ACOX2: variants seen among roughly 807,000 people sequenced by gnomAD.
The protein encoded by ACOX2 is peroxisomal acyl-coenzyme A oxidase 2.
ACOX2 carries 59 observed loss-of-function variants against 77.5 expected under a neutral mutation model. The observed-to-expected ratio is 0.76, with a 90% CI of 0.62 to 0.95. The LOEUF (loss-of-function observed/expected upper bound fraction) is 0.95. ACOX2 is among the 40% of genes least tolerant of loss of function. The pLI, the probability that ACOX2 is intolerant of heterozygous loss-of-function variation, is 0.00. For synonymous variants in ACOX2, 317 were observed against 340.1 expected (o/e 0.93, Z 0.75); for missense variants, 837 against 880.4 (o/e 0.95, Z 0.62).
rs934076890 is a variant in ACOX2 at position 58,526,403 on chromosome 3, CCAACAGAAG to C, written c.1346+54_1346+62del. ...ATGGGCCTCAGACGGAACCCTCCAC[CCAACAGAAG>C]CTTGGTGGGTCCCCAAGGGCTTGGG... On this transcript the variant is annotated intron_variant, in intron 10 of 14. Coordinates refer to ENST00000302819, the MANE Select transcript of ACOX2 (RefSeq NM_003500.4). This position sits in a 1 kb window ranked among gnomAD's most constrained non-coding sequence, Gnocchi z 4.3. 15 of 1,513,632 alleles carry C rather than the reference CCAACAGAAG, an allele frequency of 9.9e-6. No homozygotes were observed. In the African/African-American group the frequency reaches 2.1e-4, roughly 21 times the overall value. The allele number at this position is 1,513,632 out of a possible 1,614,324, so 93.8% of individuals were successfully genotyped here. A position where few individuals can be genotyped will look rare whatever the true frequency, so the allele number is the denominator to read the frequency against.
Position 58,533,196 on chromosome 3 carries a change from G to A in ACOX2, c.583+249C>T, listed in dbSNP as rs1049131594. Among the ~76,000 whole-genome samples the A allele has an allele frequency of 2.0e-5, 3 of 152,178 alleles. No homozygotes were observed. The highest frequency in any genetic ancestry group is 2.9e-5 in the Non-Finnish European group (2 of 68,008). The stretch of plus-strand genomic sequence containing the variant: ...AGTGAGGCCTTGTCTCTCATGGATC[G>A]ATTGTCTCCTCTACTTCAAAGTTCC... On this transcript the variant is annotated intron_variant, in intron 5 of 14. Transcript: ENST00000302819. This position sits in a 1 kb window ranked among gnomAD's most constrained non-coding sequence, Gnocchi z 5.6.
rs1033211801 is a variant in ACOX2, at chr3:58,515,732, AT to A, written c.1850+1473del. Reference sequence around the variant, plus strand: ...AAAGATTATATTCTCAAATTAGTCCATTTTTTTTAATCTTATGGACAATGGT... The same window carrying A: ...AAAGATTATATTCTCAAATTAGTCCATTTTTTTAATCTTATGGACAATGGT... On this transcript the variant is annotated intron_variant, in intron 13 of 14. Transcript: ENST00000302819. The surrounding 1 kb of genome is among the most constrained non-coding windows in gnomAD (Gnocchi z 4.0). Among the ~76,000 whole-genome samples the A allele has an allele frequency of 3.3e-5, 5 of 151,910 alleles. No individual in the cohort carries two copies. Among genetic ancestry groups the A allele is most frequent in the African/African-American group, 9.7e-5 (4 of 41,350 alleles).
Position 58,521,951 on chromosome 3 carries a change from T to C in ACOX2, c.1632+545A>G, listed in dbSNP as rs1426523196. Among the ~76,000 whole-genome samples the C allele has an allele frequency of 6.6e-6, 1 of 152,224 alleles. No individual in the cohort carries two copies. Among genetic ancestry groups the C allele is most frequent in the African/African-American group, 2.4e-5 (1 of 41,468 alleles). The stretch of plus-strand genomic sequence containing the variant: ...TTGAAGTCTTAGCTGATATGCCACT[T>C]CTTTTGGGAAGCCTTTCTGACTCCT... On this transcript the variant is annotated intron_variant, in intron 12 of 14. Coordinates refer to ENST00000302819, the MANE Select transcript of ACOX2 (RefSeq NM_003500.4). The surrounding 1 kb of genome is among the most constrained non-coding windows in gnomAD (Gnocchi z 4.8).
At position 58,534,665 on chromosome 3, in the gene ACOX2, G is replaced by A; in HGVS notation, c.161-143C>T. ...TACAGATGACAAAACTGAGGACCAA[G>A]GTGGGAAAGTGAATTGCCCAAGGTT... On this transcript the variant is annotated intron_variant, in intron 2 of 14. Coordinates refer to ENST00000302819, the MANE Select transcript of ACOX2 (RefSeq NM_003500.4). The surrounding 1 kb of genome is among the most constrained non-coding windows in gnomAD (Gnocchi z 4.8). The A allele has an allele frequency of 6.5e-7, 1 of 1,537,764 alleles. No homozygotes were observed. The highest frequency in any genetic ancestry group is 2.4e-5 in the East Asian group (1 of 42,078).
rs1408882973 is a variant in ACOX2, at chr3:58,525,190, A to G, written c.1347-585T>C. 6.6e-6 allele frequency among the ~76,000 whole-genome samples: 1 copy of G among 152,176 alleles called. No homozygotes were observed. Among genetic ancestry groups the G allele is most frequent in the Non-Finnish European group, 1.5e-5 (1 of 68,018 alleles). ...TCTCATCTGATTGAGGGTTTGTGAAATGGAATGAGATGATATTTGTAGAGT... is the reference window on the plus strand; with the variant it reads ...TCTCATCTGATTGAGGGTTTGTGAAGTGGAATGAGATGATATTTGTAGAGT... On this transcript the variant is annotated intron_variant, in intron 10 of 14. Transcript: ENST00000302819. The surrounding 1 kb of genome is among the most constrained non-coding windows in gnomAD (Gnocchi z 5.0).
rs1308438716 is a variant in ACOX2 at position 58,512,385 on chromosome 3, C to G, written c.1851-3360G>C. 6.6e-6 allele frequency among the ~76,000 whole-genome samples: 1 copy of G among 152,238 alleles called. No homozygotes were observed. Among genetic ancestry groups the G allele is most frequent in the Non-Finnish European group, 1.5e-5 (1 of 68,048 alleles). ...TGATTGCATTAGCGATCCAGCTGAT[C>G]TCCCTGCTTTTCACTCTTAGTTCTT... is the stretch of plus-strand genomic sequence containing the variant. On this transcript the variant is annotated intron_variant, in intron 13 of 14. Coordinates refer to ENST00000302819, the MANE Select transcript of ACOX2 (RefSeq NM_003500.4). This position sits in a 1 kb window ranked among gnomAD's most constrained non-coding sequence, Gnocchi z 4.8.
rs570437542 is a variant in ACOX2, at chr3:58,522,231, T to C, written c.1632+265A>G. On this transcript the variant is annotated intron_variant, in intron 12 of 14. Coordinates refer to ENST00000302819, the MANE Select transcript of ACOX2 (RefSeq NM_003500.4). This position sits in a 1 kb window ranked among gnomAD's most constrained non-coding sequence, Gnocchi z 4.3. ...TAAGGGGAGACTTGACCTGCTTTTC[T>C]ATCTGGGAGGAAATATTTGAACAAC... 2.8e-4 allele frequency among the ~76,000 whole-genome samples: 43 copies of C among 152,364 alleles called. No individual in the cohort carries two copies. Among genetic ancestry groups the C allele is most frequent in the Non-Finnish European group, 5.0e-4 (34 of 68,036 alleles).
Position 58,514,706 on chromosome 3 carries a change from T to C in ACOX2, c.1850+2500A>G, listed in dbSNP as rs1246425167. ...TTGCATCTGGGCTGTCTGTCTTGTC[T>C]TGAATTGTAAGTTTCTGGAGCCAAG... On this transcript the variant is annotated intron_variant, in intron 13 of 14. Coordinates refer to ENST00000302819, the MANE Select transcript of ACOX2 (RefSeq NM_003500.4). The surrounding 1 kb of genome is among the most constrained non-coding windows in gnomAD (Gnocchi z 4.3). Among the ~76,000 whole-genome samples the C allele has an allele frequency of 1.3e-5, 2 of 152,248 alleles. No individual in the cohort carries two copies. Among genetic ancestry groups the C allele is most frequent in the Non-Finnish European group, 2.9e-5 (2 of 68,046 alleles).
Position 58,533,901 on chromosome 3 carries a change from A to C in ACOX2, c.475+93T>G. ...TTCTTATTAAACATATGTCCCTCGG[A>C]GCATATGAACCTATGACTACCTAGA... On this transcript the variant is annotated intron_variant, in intron 4 of 14. Transcript: ENST00000302819. The surrounding 1 kb of genome is among the most constrained non-coding windows in gnomAD (Gnocchi z 5.6). 6.8e-7 allele frequency: 1 copy of C among 1,464,064 alleles called. No individual in the cohort carries two copies. Among genetic ancestry groups the C allele is most frequent in the Non-Finnish European group, 9.4e-7 (1 of 1,067,960 alleles). 90.7% of individuals were successfully genotyped at this position (1,464,064 alleles called of 1,614,324 possible).
chr3:58,512,807 T>C lies in ACOX2; in HGVS notation c.1851-3782A>G, dbSNP rs1379554982. 1.3e-5 allele frequency among the ~76,000 whole-genome samples: 2 copies of C among 152,246 alleles called. No individual in the cohort carries two copies. The highest frequency in any genetic ancestry group is 4.8e-5 in the African/African-American group (2 of 41,472). On this transcript the variant is annotated intron_variant, in intron 13 of 14. Coordinates refer to ENST00000302819, the MANE Select transcript of ACOX2 (RefSeq NM_003500.4). This position sits in a 1 kb window ranked among gnomAD's most constrained non-coding sequence, Gnocchi z 4.8. ...AAAATTCCTATTGCTTAGTGATTGATGTTAGAATTGGCTGCAGTATTCAGA... is the reference window on the plus strand; with the variant it reads ...AAAATTCCTATTGCTTAGTGATTGACGTTAGAATTGGCTGCAGTATTCAGA...
In ACOX2 at chr3:58,515,750, G is replaced by A. The variant is rs1477636399; in HGVS notation, c.1850+1456C>T. On this transcript the variant is annotated intron_variant, in intron 13 of 14. Transcript: ENST00000302819. This position sits in a 1 kb window ranked among gnomAD's most constrained non-coding sequence, Gnocchi z 4.0. Reference sequence around the variant, plus strand: ...TTAGTCCATTTTTTTTAATCTTATGGACAATGGTAAATAATTTGCAATGTT... The same window carrying A: ...TTAGTCCATTTTTTTTAATCTTATGAACAATGGTAAATAATTTGCAATGTT... Among the ~76,000 whole-genome samples the A allele has an allele frequency of 6.6e-6, 1 of 151,982 alleles. No individual in the cohort carries two copies. The highest frequency in any genetic ancestry group is 1.5e-5 in the Non-Finnish European group (1 of 68,006).
In ACOX2 at chr3:58,523,772, G is replaced by A. The variant is rs1286326691; in HGVS notation, c.1526+654C>T. The stretch of plus-strand genomic sequence containing the variant: ...CCTGTTTTCGGTGTTTTAATTTGGG[G>A]GCAGCATTCAGAACGTTTTCTTTTT... On this transcript the variant is annotated intron_variant, in intron 11 of 14. Coordinates refer to ENST00000302819, the MANE Select transcript of ACOX2 (RefSeq NM_003500.4). The surrounding 1 kb of genome is among the most constrained non-coding windows in gnomAD (Gnocchi z 5.3). Among the ~76,000 whole-genome samples the A allele has an allele frequency of 6.6e-6, 1 of 151,970 alleles. No homozygotes were observed. Among genetic ancestry groups the A allele is most frequent in the Non-Finnish European group, 1.5e-5 (1 of 68,002 alleles).
Position 58,505,160 on chromosome 3 carries a change from A to G in ACOX2, c.*64T>C, listed in dbSNP as rs75857311. On this transcript the variant is annotated 3_prime_UTR_variant, in exon 15 of 15. Transcript: ENST00000302819. This position sits in a 1 kb window ranked among gnomAD's most constrained non-coding sequence, Gnocchi z 4.4. ...ATCTAATTTAAAATTTTAATGTTGC[A>G]TATATGCCATAGTACCATTATCACA... 17,513 of 1,328,540 alleles carry G rather than the reference A, an allele frequency of 0.013. 162 individuals are homozygous for G. Among genetic ancestry groups the G allele is most frequent in the Non-Finnish European group, 0.017 (15,813 of 945,980 alleles). 82.3% of individuals were successfully genotyped at this position (1,328,540 alleles called of 1,614,324 possible). A position where few individuals can be genotyped will look rare whatever the true frequency, so the allele number is the denominator to read the frequency against.
In ACOX2 at chr3:58,524,681, C is replaced by G; in HGVS notation, c.1347-76G>C. 6.9e-7 allele frequency: 1 copy of G among 1,457,250 alleles called. No individual in the cohort carries two copies. Among genetic ancestry groups the G allele is most frequent in the African/African-American group, 1.4e-5 (1 of 72,114 alleles). 90.3% of individuals were successfully genotyped at this position (1,457,250 alleles called of 1,614,324 possible). On this transcript the variant is annotated intron_variant, in intron 10 of 14. Coordinates refer to ENST00000302819, the MANE Select transcript of ACOX2 (RefSeq NM_003500.4). This position sits in a 1 kb window ranked among gnomAD's most constrained non-coding sequence, Gnocchi z 5.5. ...GCCCAGCACCCCTCACTCCCAGAGA[C>G]AGGCAAGCTCATGCTAGGTTCCAGC...
intron 8 of ACOX2, 121 bp downstream of exon 8, chr3:58,530,345 T>C: frequency 7.3e-7 from 1 of 1,368,734 alleles, no homozygotes; most frequent in South Asian, 1.3e-5. Flanking sequence ...TGTGTGTATG[T>C]GGTGGGGGGC....
rs1005447438 is a variant in ACOX2 at position 58,535,540 on chromosome 3, C to T, written c.-91-343G>A. On this transcript the variant is annotated intron_variant, in intron 1 of 14. Coordinates refer to ENST00000302819, the MANE Select transcript of ACOX2 (RefSeq NM_003500.4). The surrounding 1 kb of genome is among the most constrained non-coding windows in gnomAD (Gnocchi z 4.8). ...CCTGGAGAGGTTGAGTGGCCCCTAGCCACACAGCTGGAGATGGCCAGGAGT... is the reference window on the plus strand; with the variant it reads ...CCTGGAGAGGTTGAGTGGCCCCTAGTCACACAGCTGGAGATGGCCAGGAGT... Among the ~76,000 whole-genome samples, 2 of 152,158 alleles carry T rather than the reference C, an allele frequency of 1.3e-5. No homozygotes were observed. The highest frequency in any genetic ancestry group is 2.9e-5 in the Non-Finnish European group (2 of 68,030).
At chr3:58,507,287 C>G (rs1478698956) in intron 14 of ACOX2, among the ~76,000 whole-genome samples, 1 of 152,158 alleles carries the variant, frequency 6.6e-6, no homozygotes, top group Non-Finnish European at 1.5e-5. Flanking sequence ...GTGAAGACTC[C>G]TTCGTTGTTC....
chr3:58,524,744 G>A lies in ACOX2; in HGVS notation c.1347-139C>T, dbSNP rs2063383021. 1.0e-6 allele frequency: 1 copy of A among 973,152 alleles called. No homozygotes were observed. Among genetic ancestry groups the A allele is most frequent in the African/African-American group, 1.6e-5 (1 of 61,494 alleles). The allele number at this position is 973,152 out of a possible 1,614,324, so 60.3% of individuals were successfully genotyped here. On this transcript the variant is annotated intron_variant, in intron 10 of 14. Transcript: ENST00000302819. This position sits in a 1 kb window ranked among gnomAD's most constrained non-coding sequence, Gnocchi z 5.5. ...GAGCCAGGTCACCAGGCCTCTGCCT[G>A]GCCTCCCTCCTGAGGGTTCCCCCTC... is the stretch of plus-strand genomic sequence containing the variant.
rs528066606 is a variant in ACOX2, at chr3:58,526,939, G to C, written c.1156-283C>G. Among the ~76,000 whole-genome samples, 34 of 152,242 alleles carry C rather than the reference G, an allele frequency of 2.2e-4. No homozygotes were observed. Among genetic ancestry groups the C allele is most frequent in the African/African-American group, 7.2e-4 (30 of 41,546 alleles). On this transcript the variant is annotated intron_variant, in intron 9 of 14. Transcript: ENST00000302819. The surrounding 1 kb of genome is among the most constrained non-coding windows in gnomAD (Gnocchi z 4.3). Reference sequence around the variant, plus strand: ...GGGAAGAGGGTGCTGCCTGGATTGGGCCCACAAACCTCCAGGAGTTACGGA... The same window carrying C: ...GGGAAGAGGGTGCTGCCTGGATTGGCCCCACAAACCTCCAGGAGTTACGGA...
Sources: gnomAD v4.1 joint callset for allele counts (sites outside exome capture counted in the v4.1 genomes callset) on GRCh38, gnomAD v4.1.1 for gene constraint, Gnocchi (gnomAD v3.1) non-coding constraint, MANE v1.5 for transcripts, NCBI Gene and HGNC (gene_info 2026-07-23, HGNC 2026-07-21) for gene names.